Variants in CCSER1 observed in about 807,000 individuals in gnomAD.
CCSER1 encodes the protein serine-rich coiled-coil domain-containing protein 1.
In CCSER1, 41 loss-of-function variants were observed where a neutral mutation model predicts 82.0. The ratio of observed to expected loss-of-function variants is 0.50; its 90% CI spans 0.39 to 0.65. The LOEUF is 0.65. CCSER1 is among the 30% of genes least tolerant of loss of function. CCSER1 has a pLI of 0.00. For synonymous variants in CCSER1, 414 were observed against 383.9 expected, an observed-to-expected ratio of 1.08 and a Z score of -0.92; for missense variants, 1,119 against 1,064.2, an observed-to-expected ratio of 1.05 and a Z score of -0.72.
At chr4:90,943,817 C>T (rs1731900895) in intron 9 of CCSER1, among the ~76,000 whole-genome samples, 1 of 144,804 alleles carries the variant, frequency 6.9e-6, no homozygotes, top group Admixed American at 7.2e-5. Context: ...CTCAAAACAT[C>T]TGCCTGCCTC....
intron 10 of CCSER1, among the ~76,000 whole-genome samples, chr4:91,233,375 C>T (rs1484216758): frequency 2.6e-5 from 4 of 151,918 alleles, no homozygotes; most frequent in East Asian, 1.9e-4. Flanking sequence ...TTTGCAGATA[C>T]GTACCTTCAC....
chr4:91,135,827 T>C (rs1341793252), intron 10 of CCSER1, among the ~76,000 whole-genome samples: 3 of 152,200 alleles, frequency 2.0e-5, no homozygotes, highest in Non-Finnish European at 2.9e-5. Context: ...TTTTCACAAC[T>C]TCGCTATAAG....
chr4:91,281,974 A>T (rs969330436), intron 10 of CCSER1, among the ~76,000 whole-genome samples: 11 of 152,174 alleles, frequency 7.2e-5, no homozygotes, highest in African/African-American at 1.2e-4. Flanking sequence ...TAGAGCTTTT[A>T]AAAAATATTG....
At chr4:91,281,548 C>T (rs191931591) in intron 10 of CCSER1, among the ~76,000 whole-genome samples, 1 of 152,186 alleles carries the variant, frequency 6.6e-6, no homozygotes, top group African/African-American at 2.4e-5. Context: ...CTCAGGATGT[C>T]GACCATATGA....
At chr4:90,168,634 C>A (rs1362471140) in intron 1 of CCSER1, among the ~76,000 whole-genome samples, 2 of 151,976 alleles carry the variant, frequency 1.3e-5, no homozygotes, top group Admixed American at 1.3e-4. Flanking sequence ...CTTTAATCCA[C>A]CTTGACTTAA....
chr4:90,693,803 A>G (rs1432706589), intron 6 of CCSER1, among the ~76,000 whole-genome samples: 1 of 151,892 alleles, frequency 6.6e-6, no homozygotes, highest in East Asian at 1.9e-4. Context: ...ATCAAAGATA[A>G]ACCACAGCCA....
intron 5 of CCSER1, among the ~76,000 whole-genome samples, chr4:90,526,206 C>T (rs1216684581): frequency 6.6e-6 from 1 of 152,096 alleles, no homozygotes; most frequent in Admixed American, 6.6e-5. Flanking sequence ...TTGTAACTTA[C>T]ACTCTGTTCT....
At chr4:91,591,821 ACAATATCTCCCTTTCAATT>A (rs1764284576) in intron 10 of CCSER1, among the ~76,000 whole-genome samples, 1 of 152,172 alleles carries the variant, frequency 6.6e-6, no homozygotes, top group Non-Finnish European at 1.5e-5. Flanking sequence ...TTGCAGCCAT[ACAATATCTCCCTTTCAATT>A]CATTTTCTAC....
chr4:91,368,743 A>G (rs1376253962), intron 10 of CCSER1, among the ~76,000 whole-genome samples: 2 of 152,156 alleles, frequency 1.3e-5, no homozygotes, highest in African/African-American at 4.8e-5. Flanking sequence ...ATACTGGAAA[A>G]AATAACTATA....
At chr4:91,475,885 ATG>A (rs1757566212) in intron 10 of CCSER1, among the ~76,000 whole-genome samples, 1 of 151,844 alleles carries the variant, frequency 6.6e-6, no homozygotes, top group Non-Finnish European at 1.5e-5. Context: ...ATGAGTGAGA[ATG>A]TGTGATATTT....
intron 10 of CCSER1, among the ~76,000 whole-genome samples, chr4:91,364,057 T>A (rs1749443142): frequency 6.8e-6 from 1 of 147,186 alleles, no homozygotes; most frequent in Non-Finnish European, 1.6e-5. Flanking sequence ...TCAGAAAGTA[T>A]ACATTATTGT....
At chr4:91,496,826 G>GAATATATATTGAATATATATATATTCA (rs1468561780) in intron 10 of CCSER1, among the ~76,000 whole-genome samples, 17 of 67,850 alleles carry the variant, frequency 2.5e-4, no homozygotes, top group Admixed American at 5.3e-4. Context: ...AATATATATT[G>GAATATATATTGAATATATATATATTCA]AATATATATT....
chr4:90,941,944 G>C (rs1306034449), intron 9 of CCSER1, among the ~76,000 whole-genome samples: 1 of 148,962 alleles, frequency 6.7e-6, no homozygotes. Context: ...TTTTTCGTTT[G>C]TTTGTTTTGT....
At chr4:91,277,848 T>C (rs1386472116) in intron 10 of CCSER1, among the ~76,000 whole-genome samples, 2 of 152,068 alleles carry the variant, frequency 1.3e-5, no homozygotes, top group Non-Finnish European at 2.9e-5. Context: ...ACATTGCTTT[T>C]GCTGTATTCC....
intron 10 of CCSER1, among the ~76,000 whole-genome samples, chr4:91,394,178 G>T (rs1486280725): frequency 6.6e-6 from 1 of 151,984 alleles, no homozygotes; most frequent in Admixed American, 6.6e-5. Context: ...GATTTTCAGA[G>T]ACTGGTTATT....
chr4:90,506,743 T>C (rs189780291), intron 5 of CCSER1, among the ~76,000 whole-genome samples: 1 of 150,400 alleles, frequency 6.6e-6, no homozygotes, highest in Non-Finnish European at 1.5e-5. Context: ...CCAACCTGGA[T>C]GACAGAGTGA....
chr4:90,565,108 G>C (rs952525084), intron 5 of CCSER1, among the ~76,000 whole-genome samples: 16 of 151,062 alleles, frequency 1.1e-4, no homozygotes, highest in East Asian at 3.9e-4. Flanking sequence ...AGGTTACTTT[G>C]GGTAGTGTGG....
At chr4:90,741,650 C>T (rs759528539) in intron 7 of CCSER1, among the ~76,000 whole-genome samples, 2 of 152,110 alleles carry the variant, frequency 1.3e-5, no homozygotes, top group Non-Finnish European at 2.9e-5. Flanking sequence ...CATATAAACT[C>T]CATTATACTC....
At chr4:90,461,067 T>TAA (rs1190725020) in intron 4 of CCSER1, among the ~76,000 whole-genome samples, 1 of 102,640 alleles carries the variant, frequency 9.7e-6, no homozygotes, top group African/African-American at 5.6e-5. Flanking sequence ...TTTTTTTTTT[T>TAA]TTTTTTTTTT....
Sources: gnomAD v4.1 joint callset for allele counts (sites outside exome capture counted in the v4.1 genomes callset) on GRCh38, gnomAD v4.1.1 for gene constraint, MANE v1.5 for transcripts, NCBI Gene and HGNC (gene_info 2026-07-23, HGNC 2026-07-21) for gene names.